The following FYN variants were observed in gnomAD, a reference collection of about 807,000 sequenced individuals.
The protein encoded by FYN is FYN proto-oncogene, Src family tyrosine kinase, also known as tyrosine-protein kinase Fyn.
A neutral mutation model predicts 70.2 loss-of-function variants in FYN; 10 were observed. The observed-to-expected ratio is 0.14, with a 90% CI of 0.09 to 0.24. The LOEUF (loss-of-function observed/expected upper bound fraction) is 0.24. FYN is among the 10% of genes least tolerant of loss of function. The probability of loss-of-function intolerance (pLI) is 1.00; values close to 1 mark genes in which losing one functional copy is unlikely to be tolerated. For synonymous variants in FYN, 236 were observed against 248.6 expected (o/e 0.95, Z 0.48); for missense variants, 319 against 673.1 (o/e 0.47, Z 5.82).
At chr6:111,830,241 C>G (rs1887315) in intron 2 of FYN, among the ~76,000 whole-genome samples, 34,991 of 151,894 alleles carry the variant, frequency 0.23, 5,563 homozygotes, top group African/African-American at 0.46. Context: ...AATGATCTTA[C>G]AGGGGCAGAG....
intron 2 of FYN, among the ~76,000 whole-genome samples, chr6:111,811,915 C>G (rs571238797): frequency 1.3e-5 from 2 of 152,086 alleles, no homozygotes; most frequent in African/African-American, 4.8e-5. Flanking sequence ...ACGGGACTCT[C>G]CAGGCATCAC....
intron 2 of FYN, among the ~76,000 whole-genome samples, chr6:111,787,583 G>C (rs764147004): frequency 2.6e-5 from 4 of 152,174 alleles, no homozygotes; most frequent in Non-Finnish European, 4.4e-5. Context: ...AATCTTCAAC[G>C]GTCTTTCAGT....
intron 1 of FYN, among the ~76,000 whole-genome samples, 167 bp from the exon 2 acceptor site, chr6:111,846,796 C>T (rs1421141777): frequency 6.6e-6 from 1 of 152,172 alleles, no homozygotes; most frequent in Non-Finnish European, 1.5e-5. Context: ...ACAGTTGCCA[C>T]AAACACCTGT....
chr6:111,803,254 T>A (rs1440544037), intron 2 of FYN, among the ~76,000 whole-genome samples: 1 of 152,232 alleles, frequency 6.6e-6, no homozygotes, highest in African/African-American at 2.4e-5. Context: ...TCAGGGGCAC[T>A]CCTCTGAAAG....
chr6:111,805,139 G>A (rs187449503), intron 2 of FYN, among the ~76,000 whole-genome samples: 131 of 152,080 alleles, frequency 8.6e-4, no homozygotes, highest in East Asian at 3.7e-3. Flanking sequence ...CCTACAAGGC[G>A]TTTTACATGT....
At chr6:111,749,423 G>C (rs1277935817) in intron 3 of FYN, among the ~76,000 whole-genome samples, 1 of 152,168 alleles carries the variant, frequency 6.6e-6, no homozygotes, top group Admixed American at 6.5e-5. Context: ...GATTATATTA[G>C]TAATTGGTAA....
intron 6 of FYN, among the ~76,000 whole-genome samples, chr6:111,706,939 T>C (rs889037559): frequency 2.6e-5 from 4 of 151,710 alleles, no homozygotes; most frequent in African/African-American, 9.7e-5. Flanking sequence ...TATTTGAGAG[T>C]GGGAAACAAA....
At chr6:111,734,560 T>G (rs896289136) in intron 3 of FYN, among the ~76,000 whole-genome samples, 1 of 152,204 alleles carries the variant, frequency 6.6e-6, no homozygotes, top group African/African-American at 2.4e-5. Context: ...GCTGTGGTCT[T>G]GACCCTCCTC....
intron 2 of FYN, among the ~76,000 whole-genome samples, chr6:111,835,604 A>T (rs1334219124): frequency 6.6e-6 from 1 of 152,176 alleles, no homozygotes; most frequent in Admixed American, 6.5e-5. Flanking sequence ...TACAATCTAA[A>T]CTAATCCCAG....
At chr6:111,862,546 T>C (rs756250212) in intron 1 of FYN, among the ~76,000 whole-genome samples, 3 of 152,146 alleles carry the variant, frequency 2.0e-5, no homozygotes, top group Admixed American at 6.5e-5. Context: ...TAAATGAACA[T>C]TGCTGAGTAT....
intron 2 of FYN, chr6:111,819,783 C>G (rs536737011): frequency 6.6e-6 from 1 of 152,132 alleles, no homozygotes; most frequent in South Asian, 2.1e-4. Context: ...CATTACTGTT[C>G]ATAAATTAGT....
chr6:111,743,692 G>A (rs774237983), intron 3 of FYN, among the ~76,000 whole-genome samples: 1 of 152,200 alleles, frequency 6.6e-6, no homozygotes, highest in Non-Finnish European at 1.5e-5. Context: ...AAGGACAAGA[G>A]GATCCCAGAG....
At chr6:111,792,475 CA>C in intron 2 of FYN, among the ~76,000 whole-genome samples, 1 of 152,174 alleles carries the variant, frequency 6.6e-6, no homozygotes, top group South Asian at 2.1e-4. Context: ...GCCTATCCTA[CA>C]GAAATGCTAC....
At chr6:111,753,098 T>C (rs975121871) in intron 3 of FYN, among the ~76,000 whole-genome samples, 2 of 152,186 alleles carry the variant, frequency 1.3e-5, no homozygotes, top group Non-Finnish European at 2.9e-5. Flanking sequence ...CAGAAAAAAC[T>C]GGTCTTGCAG....
rs565927576 is a variant in FYN at position 111,799,124 on chromosome 6, A to G, written c.-81-18489T>C. 9.8e-5 allele frequency among the ~76,000 whole-genome samples: 15 copies of G among 152,352 alleles called. No individual in the cohort carries two copies. The South Asian group carries it at 1.9e-3, about 19-fold the overall frequency. ...TTATGATGAGCACTTCAAAAATCTAATAAGATTCACTTACAGTTTTTCCTC... is the reference window on the plus strand; with the variant it reads ...TTATGATGAGCACTTCAAAAATCTAGTAAGATTCACTTACAGTTTTTCCTC... On this transcript the variant is annotated intron_variant, in intron 2 of 13. Transcript: ENST00000354650.
At chr6:111,801,596 C>T (rs1164536828) in intron 2 of FYN, among the ~76,000 whole-genome samples, 1 of 152,192 alleles carries the variant, frequency 6.6e-6, no homozygotes, top group Non-Finnish European at 1.5e-5. Context: ...ACGTCGTTCA[C>T]TCTCAATTCT....
chr6:111,821,165 C>T (rs1025130303), intron 2 of FYN, among the ~76,000 whole-genome samples: 4 of 151,916 alleles, frequency 2.6e-5, no homozygotes, highest in Non-Finnish European at 5.9e-5. Flanking sequence ...AAAAAGAGCC[C>T]GCATTGCCAA....
At chr6:111,672,565 C>A (rs1051260646) in intron 13 of FYN, among the ~76,000 whole-genome samples, 1 of 152,182 alleles carries the variant, frequency 6.6e-6, no homozygotes, top group African/African-American at 2.4e-5. Flanking sequence ...CAGGATGACT[C>A]CCTCTGATAA....
intron 3 of FYN, among the ~76,000 whole-genome samples, chr6:111,747,369 G>T (rs1054919812): frequency 6.6e-6 from 1 of 152,324 alleles, no homozygotes; most frequent in South Asian, 2.1e-4. Flanking sequence ...AGGAAAGAAG[G>T]GAGTTAAAGT....
Sources: allele counts gnomAD v4.1 joint callset (sites outside exome capture counted in the v4.1 genomes callset), GRCh38; gene constraint gnomAD v4.1.1; transcripts MANE v1.5; gene names NCBI Gene and HGNC (gene_info 2026-07-23, HGNC 2026-07-21).